SOCS6: variants seen among roughly 807,000 people sequenced by gnomAD.
SOCS6 encodes the protein suppressor of cytokine signaling 6.
SOCS6 carries 5 observed loss-of-function variants against 27.7 expected under a neutral mutation model. The observed-to-expected ratio is 0.18, with a 90% confidence interval of 0.09 to 0.38. SOCS6 has a LOEUF of 0.38. SOCS6 is among the 10% of genes least tolerant of loss of function. SOCS6 has a pLI of 1.00. For synonymous variants in SOCS6, 271 were observed against 260.0 expected, an observed-to-expected ratio of 1.04 and a Z score of -0.41; for missense variants, 595 against 688.1, an observed-to-expected ratio of 0.86 and a Z score of 1.51.
Position 70,327,081 on chromosome 18 carries a change from A to G in SOCS6, c.*805A>G, listed in dbSNP as rs1911237046. 1 of 166,822 alleles carries G rather than the reference A, an allele frequency of 6.0e-6. No homozygotes were observed. The highest frequency in any genetic ancestry group is 1.5e-5 in the Non-Finnish European group (1 of 68,098). 10.3% of individuals were successfully genotyped at this position (166,822 alleles called of 1,614,324 possible). On this transcript the variant is annotated 3_prime_UTR_variant, in exon 2 of 2. Coordinates refer to ENST00000397942, the MANE Select transcript of SOCS6 (RefSeq NM_004232.4). ...ATTGGCATAACATGAAAACCTATGG[A>G]ACTAGAATTATTATTAAAGAAATAT...
chr18:70,310,707 C>A (rs1235521790), intron 1 of SOCS6, among the ~76,000 whole-genome samples: 1 of 152,052 alleles, frequency 6.6e-6, no homozygotes. Flanking sequence ...TGTCCAAGGT[C>A]ATTAGGAAAT....
rs1441842296 is a variant in SOCS6 at position 70,325,045 on chromosome 18, C to T, written c.377C>T (p.Ser126Leu). 5 of 1,614,056 alleles carry T rather than the reference C, an allele frequency of 3.1e-6. No individual in the cohort carries two copies. Among genetic ancestry groups the T allele is most frequent in the African/African-American group, 1.3e-5 (1 of 74,930 alleles). Residue 126 changes from serine (S) to leucine (L), a missense_variant, in exon 2 of 2, where the codon TCG (serine) becomes TTG (leucine). Ser to Leu is a moderately radical substitution (Grantham distance 145). This residue lies in a region of SOCS6 where 467 missense variants were observed against 481.1 expected (regional missense o/e 0.97). Transcript: ENST00000397942. The surrounding 1 kb of genome is among the most constrained non-coding windows in gnomAD (Gnocchi z 6.3). ...VRAQRPIRST[S>L]LRSHHYSPAP... is the part of the protein sequence containing the mutation. The stretch of plus-strand genomic sequence containing the variant: ...GCTCAGAGGCCGATAAGGTCCACGT[C>T]GCTCCGCAGCCATCACTACAGTCCC...
intron 1 of SOCS6, among the ~76,000 whole-genome samples, chr18:70,306,828 A>G (rs1346379582): frequency 6.6e-6 from 1 of 152,144 alleles, no homozygotes; most frequent in African/African-American, 2.4e-5. Context: ...TAAGATGATC[A>G]TGTGTGTTTT....
At chr18:70,292,547 T>C (rs910773194) in intron 1 of SOCS6, among the ~76,000 whole-genome samples, 5 of 152,108 alleles carry the variant, frequency 3.3e-5, no homozygotes, top group Non-Finnish European at 7.4e-5. Context: ...TGGGGTTTCC[T>C]TATGTTGCCC....
intron 1 of SOCS6, among the ~76,000 whole-genome samples, chr18:70,301,276 T>C (rs1053035893): frequency 3.9e-5 from 6 of 152,248 alleles, no homozygotes; most frequent in East Asian, 1.9e-4. Context: ...AGGAAACTTA[T>C]TAGGAGGTAT....
intron 1 of SOCS6, among the ~76,000 whole-genome samples, chr18:70,298,993 C>T (rs1053223495): frequency 1.3e-5 from 2 of 152,100 alleles, no homozygotes; most frequent in African/African-American, 2.4e-5. Context: ...GGCACGGTGG[C>T]ACATGCTGTA....
chr18:70,322,127 T>A (rs1346806790), intron 1 of SOCS6, among the ~76,000 whole-genome samples: 1 of 152,226 alleles, frequency 6.6e-6, no homozygotes, highest in African/African-American at 2.4e-5. Context: ...TGAAACTTTA[T>A]ATACATTTTC....
chr18:70,293,322 A>G (rs890961877), intron 1 of SOCS6, among the ~76,000 whole-genome samples: 1 of 152,210 alleles, frequency 6.6e-6, no homozygotes, highest in African/African-American at 2.4e-5. Context: ...CAAAGTCCTT[A>G]TCATTACATG....
At chr18:70,304,376 G>A (rs907214970) in intron 1 of SOCS6, among the ~76,000 whole-genome samples, 6 of 144,146 alleles carry the variant, frequency 4.2e-5, no homozygotes, top group African/African-American at 1.5e-4. Flanking sequence ...TCCTGCAATC[G>A]GGGAAAAAAA....
At chr18:70,323,872 C>T (rs74978814) in intron 1 of SOCS6, among the ~76,000 whole-genome samples, 3 of 152,244 alleles carry the variant, frequency 2.0e-5, no homozygotes, top group Non-Finnish European at 2.9e-5. Flanking sequence ...GAGGAGCAGT[C>T]GGAGTCAGTG....
intron 1 of SOCS6, among the ~76,000 whole-genome samples, chr18:70,320,713 CA>C (rs1249458624): frequency 1.3e-5 from 2 of 152,072 alleles, no homozygotes; most frequent in East Asian, 3.9e-4. Context: ...AGGAAAAAAG[CA>C]AAGTATACTT....
chr18:70,316,916 C>G (rs2062413755), intron 1 of SOCS6, among the ~76,000 whole-genome samples: 1 of 152,158 alleles, frequency 6.6e-6, no homozygotes, highest in African/African-American at 2.4e-5. Context: ...TATATCCTTA[C>G]ATAATATGTC....
intron 1 of SOCS6, among the ~76,000 whole-genome samples, chr18:70,301,610 C>A (rs1479392027): frequency 6.6e-6 from 1 of 152,026 alleles, no homozygotes; most frequent in East Asian, 1.9e-4. Flanking sequence ...GTGGCAGTGT[C>A]CTGAAGGGAG....
At chr18:70,322,403 T>A (rs1911024628) in intron 1 of SOCS6, among the ~76,000 whole-genome samples, 1 of 152,206 alleles carries the variant, frequency 6.6e-6, no homozygotes, top group Admixed American at 6.5e-5. Flanking sequence ...AATATTAGTA[T>A]TGATTAATAG....
chr18:70,296,264 T>C (rs1417858722), intron 1 of SOCS6, among the ~76,000 whole-genome samples: 3 of 152,190 alleles, frequency 2.0e-5, no homozygotes, highest in African/African-American at 7.2e-5. Context: ...GTGTATAAAA[T>C]TTCAGGTTAA....
chr18:70,289,622 G>A (rs976567795), intron 1 of SOCS6, among the ~76,000 whole-genome samples: 2 of 148,308 alleles, frequency 1.3e-5, no homozygotes, highest in African/African-American at 4.9e-5. Context: ...TCGGGGCGCG[G>A]CGAGGCCGCA....
chr18:70,291,699 T>C (rs1183464416), intron 1 of SOCS6, among the ~76,000 whole-genome samples: 2 of 152,192 alleles, frequency 1.3e-5, no homozygotes, highest in Non-Finnish European at 2.9e-5. Context: ...CATGGGCTTA[T>C]TGGGACTCAA....
chr18:70,324,714 A>C lies in SOCS6; in HGVS notation c.46A>C (p.Asn16His), dbSNP rs1911120846. 6.2e-7 allele frequency: 1 copy of C among 1,605,686 alleles called. No individual in the cohort carries two copies. Among genetic ancestry groups the C allele is most frequent in the Non-Finnish European group, 8.5e-7 (1 of 1,175,328 alleles). ...LKTLRKSFNL[N>H]KSKEETDFMV... Reference sequence around the variant, plus strand: ...AACCTTACGGAAATCTTTTAACTTGAATAAAAGTAAAGAAGAAACTGATTT... The same window carrying C: ...AACCTTACGGAAATCTTTTAACTTGCATAAAAGTAAAGAAGAAACTGATTT... The change falls in exon 2 of 2, where the codon AAT (asparagine) becomes CAT (histidine). Residue 16 changes from asparagine to histidine, a missense_variant. Physicochemically the swap from Asn to His is moderately conservative, Grantham distance 68. Around this residue, in one of 2 missense-constraint regions of SOCS6, gnomAD observed 467 missense variants for 481.1 expected, o/e 0.97. Transcript: ENST00000397942.
In SOCS6 at chr18:70,325,632, A is replaced by T. The variant is rs756411506; in HGVS notation, c.964A>T (p.Ile322Phe). ...PLLPPMQNNQIQRNFSGLTGT... is the reference protein window; with the variant it reads ...PLLPPMQNNQFQRNFSGLTGT... Reference sequence around the variant, plus strand: ...GCTACCTCCAATGCAGAATAATCAAATCCAAAGGAACTTCAGTGGACTCAC... The same window carrying T: ...GCTACCTCCAATGCAGAATAATCAATTCCAAAGGAACTTCAGTGGACTCAC... Residue 322 changes from isoleucine to phenylalanine, a missense_variant, in exon 2 of 2, where the codon ATC becomes TTC. Ile to Phe is a conservative substitution (Grantham distance 21). Around this residue, in one of 2 missense-constraint regions of SOCS6, gnomAD observed 467 missense variants for 481.1 expected, o/e 0.97. Coordinates refer to ENST00000397942, the MANE Select transcript of SOCS6 (RefSeq NM_004232.4). The surrounding 1 kb of genome is among the most constrained non-coding windows in gnomAD (Gnocchi z 6.3). The T allele has an allele frequency of 6.2e-7, 1 of 1,614,156 alleles. No homozygotes were observed. The highest frequency in any genetic ancestry group is 1.7e-5 in the Admixed American group (1 of 60,024).
Sources: gnomAD v4.1 joint callset for allele counts (sites outside exome capture counted in the v4.1 genomes callset) on GRCh38, gnomAD v4.1.1 for gene constraint, gnomAD v4.1.1 regional missense constraint, Gnocchi (gnomAD v3.1) non-coding constraint, MANE v1.5 for transcripts, NCBI Gene and HGNC (gene_info 2026-07-23, HGNC 2026-07-21) for gene names.